SPIB: variants seen among roughly 807,000 people sequenced by gnomAD.
SPIB encodes the protein Spi-B transcription factor, also known as transcription factor Spi-B.
SPIB carries 7 observed loss-of-function variants against 31.9 expected under a neutral mutation model. That is an observed-to-expected ratio of 0.22 (90% CI 0.12 to 0.41). The LOEUF (loss-of-function observed/expected upper bound fraction) is 0.41, where lower values mean the gene tolerates loss of function less well. Ranked by LOEUF, SPIB falls within the 10% of genes least tolerant of loss-of-function variation. The pLI is 1.00. For missense variants in SPIB, 327 were observed against 360.2 expected (o/e 0.91, Z 0.75); for synonymous variants, 176 against 158.9 (o/e 1.11, Z -0.81).
At chr19:50,423,168 G>A in intron 4 of SPIB, 131 bp downstream of exon 4, 3 of 468,596 alleles carry the variant, frequency 6.4e-6, no homozygotes, top group Non-Finnish European at 1.1e-5. Flanking sequence ...GCAATCCACT[G>A]CACTCCAGTC....
Position 50,428,395 on chromosome 19 carries a change from C to T in SPIB, c.*59C>T, listed in dbSNP as rs2039598030. On this transcript the variant is annotated 3_prime_UTR_variant, in exon 6 of 6. Transcript: ENST00000595883. The surrounding 1 kb of genome is among the most constrained non-coding windows in gnomAD (Gnocchi z 6.5). Reference sequence around the variant, plus strand: ...GGGGACCTCACGTCCCAGCCAGGATCCCCCTGGAAGAAAAAGGGCGTCCCC... The same window carrying T: ...GGGGACCTCACGTCCCAGCCAGGATTCCCCTGGAAGAAAAAGGGCGTCCCC... 3.4e-6 allele frequency: 5 copies of T among 1,467,440 alleles called. No individual in the cohort carries two copies. The highest frequency in any genetic ancestry group is 4.5e-6 in the Non-Finnish European group (5 of 1,106,748). 90.9% of individuals were successfully genotyped at this position (1,467,440 alleles called of 1,614,324 possible).
In SPIB at chr19:50,422,972, GC is replaced by G; in HGVS notation, c.279del (p.Ser94AlafsTer86). On this transcript the variant is annotated frameshift_variant, in exon 4 of 6. Transcript: ENST00000595883. LOFTEE classifies it high-confidence loss of function. ...CAGCCCTGCAGGGAACCTCGAACTG[GC>G]CCCCAGCCTGGAGGCCCCGGGGCCT... ...TYSPAGNLEL[A>X]PSLEAPGPGL... is the part of the protein sequence containing the mutation. The G allele has an allele frequency of 6.3e-7, 1 of 1,577,646 alleles. No homozygotes were observed. Among genetic ancestry groups the G allele is most frequent in the Non-Finnish European group, 8.6e-7 (1 of 1,159,388 alleles).
At position 50,423,717 on chromosome 19, in the gene SPIB, C is replaced by T. The variant is rs576781136; in HGVS notation, c.452C>T (p.Ala151Val). The change falls in exon 5 of 6, where the codon GCC (alanine) becomes GTC (valine). Residue 151 changes from alanine to valine, a missense_variant. Around this residue, in one of 4 missense-constraint regions of SPIB, gnomAD observed 238 missense variants for 228.8 expected, o/e 1.04. Coordinates refer to ENST00000595883, the MANE Select transcript of SPIB (RefSeq NM_003121.5). ...LEVSDSESDEALVAGPEGKGS... is the reference protein window; with the variant it reads ...LEVSDSESDEVLVAGPEGKGS... Reference sequence around the variant, plus strand: ...GTCTCGGACAGCGAGTCGGATGAGGCCCTCGTGGCTGGCCCCGAGGGGAAG... The same window carrying T: ...GTCTCGGACAGCGAGTCGGATGAGGTCCTCGTGGCTGGCCCCGAGGGGAAG... 8 of 1,612,884 alleles carry T rather than the reference C, an allele frequency of 5.0e-6. No individual in the cohort carries two copies. The East Asian group carries it at 8.9e-5, about 18-fold the overall frequency.
chr19:50,421,015 A>G (rs186892099), intron 2 of SPIB, among the ~76,000 whole-genome samples: 4 of 152,322 alleles, frequency 2.6e-5, no homozygotes, highest in Admixed American at 2.6e-4. Flanking sequence ...AGTGTGTGTC[A>G]GTGTTTGTCC....
intron 5 of SPIB, among the ~76,000 whole-genome samples, chr19:50,424,532 C>T (rs2039541886): frequency 1.3e-5 from 2 of 152,260 alleles, no homozygotes; most frequent in East Asian, 1.9e-4. Flanking sequence ...CCTTTAATCC[C>T]AGCACTTTGA....
chr19:50,423,104 A>G (rs974742232), intron 4 of SPIB, 67 bp downstream of exon 4: 14 of 785,674 alleles, frequency 1.8e-5, no homozygotes, highest in Middle Eastern at 3.9e-4. Flanking sequence ...CTGTAATCCC[A>G]GCTGCTTGAG....
chr19:50,423,839 C>A (rs543438219), intron 5 of SPIB, 84 bp downstream of exon 5: 7 of 1,470,942 alleles, frequency 4.8e-6, no homozygotes, highest in Non-Finnish European at 6.4e-6. Flanking sequence ...TGGGCCTCTA[C>A]ATATACTCCA....
At chr19:50,427,983 G>A in intron 5 of SPIB, 55 bp from the exon 6 acceptor site, 1 of 1,443,450 alleles carries the variant, frequency 6.9e-7, no homozygotes, top group Non-Finnish European at 9.1e-7. Context: ...GGTGGATGGG[G>A]AAGGCGGGGC....
intron 2 of SPIB, among the ~76,000 whole-genome samples, chr19:50,422,002 G>A (rs556996725): frequency 6.6e-6 from 1 of 152,204 alleles, no homozygotes; most frequent in South Asian, 2.1e-4. Context: ...TGCCCGCCTC[G>A]GCCCCCCAAA....
intron 5 of SPIB, among the ~76,000 whole-genome samples, chr19:50,424,560 A>AT (rs2039542091): frequency 1.3e-5 from 2 of 152,232 alleles, no homozygotes; most frequent in South Asian, 4.1e-4. Context: ...AGGAGGATGG[A>AT]TCACGAGGTC....
intron 1 of SPIB, 74 bp from the exon 2 acceptor site, chr19:50,419,872 T>C: frequency 6.8e-7 from 1 of 1,467,484 alleles, no homozygotes; most frequent in Non-Finnish European, 9.1e-7. Context: ...CGCCTCCCCA[T>C]CAGCCCCCAA....
chr19:50,420,118 C>T (rs1425716257), intron 2 of SPIB, 145 bp downstream of exon 2: 5 of 644,346 alleles, frequency 7.8e-6, no homozygotes, highest in Middle Eastern at 2.6e-4. Context: ...CCTGCTACCC[C>T]GCATCCGTAT....
rs999580441 is a variant in SPIB, at chr19:50,429,817, C to T, written c.*1481C>T. Reference sequence around the variant, plus strand: ...GAGAGATCGAGACCATCCTGGCCAACATGGTGAAACCCTGTCTCTACTAAA... The same window carrying T: ...GAGAGATCGAGACCATCCTGGCCAATATGGTGAAACCCTGTCTCTACTAAA... On this transcript the variant is annotated 3_prime_UTR_variant, in exon 6 of 6. Transcript: ENST00000595883. The T allele has an allele frequency of 1.3e-5, 2 of 152,172 alleles. No homozygotes were observed. Among genetic ancestry groups the T allele is most frequent in the Non-Finnish European group, 2.9e-5 (2 of 68,060 alleles). 9.4% of individuals were successfully genotyped at this position (152,172 alleles called of 1,614,324 possible). A position where few individuals can be genotyped will look rare whatever the true frequency, so the allele number is the denominator to read the frequency against.
At chr19:50,426,124 G>A (rs776375697) in intron 5 of SPIB, among the ~76,000 whole-genome samples, 8 of 152,072 alleles carry the variant, frequency 5.3e-5, no homozygotes, top group Non-Finnish European at 8.8e-5. Flanking sequence ...CAGGAGAATC[G>A]CTTGAATCCA....
In SPIB at chr19:50,423,631, G is replaced by A. The variant is rs778109814; in HGVS notation, c.366G>A (p.Pro122=). The change falls in exon 5 of 6, where the codon CCG becomes CCA. Residue 122 remains proline (P), a synonymous_variant. Coordinates refer to ENST00000595883, the MANE Select transcript of SPIB (RefSeq NM_003121.5). ...CCCTGGTTCCCCCGGCATATGCCCC[G>A]TACCCCAGCCCTGTGCTATCAGAGG... The part of the protein sequence containing the change: ...SQTLVPPAYA[P]YPSPVLSEEE... 31 of 1,613,756 alleles carry A rather than the reference G, an allele frequency of 1.9e-5. No individual in the cohort carries two copies. Among genetic ancestry groups the A allele is most frequent in the East Asian group, 8.9e-5 (4 of 44,876 alleles).
rs557521292 is a variant in SPIB at position 50,419,084 on chromosome 19, C to T, written c.23+99C>T. On this transcript the variant is annotated intron_variant, in intron 1 of 5. Transcript: ENST00000595883. Reference sequence around the variant, plus strand: ...CAGTGGTTTCTCTGCTCCTCACGGCCGGTGGGTGGGAGTGGAGGGGAGGGG... The same window carrying T: ...CAGTGGTTTCTCTGCTCCTCACGGCTGGTGGGTGGGAGTGGAGGGGAGGGG... The T allele has an allele frequency of 6.1e-5, 88 of 1,437,784 alleles. No homozygotes were observed. In the East Asian group the frequency reaches 8.5e-4, roughly 14 times the overall value. 89.1% of individuals were successfully genotyped at this position (1,437,784 alleles called of 1,614,324 possible). A position where few individuals can be genotyped will look rare whatever the true frequency, so the allele number is the denominator to read the frequency against.
chr19:50,419,081 G>C lies in SPIB; in HGVS notation c.23+96G>C, dbSNP rs1037178736. The C allele has an allele frequency of 3.4e-6, 5 of 1,458,694 alleles. No individual in the cohort carries two copies. In the South Asian group the frequency reaches 6.1e-5, roughly 18 times the overall value. 90.4% of individuals were successfully genotyped at this position (1,458,694 alleles called of 1,614,324 possible). A position where few individuals can be genotyped will look rare whatever the true frequency, so the allele number is the denominator to read the frequency against. Reference sequence around the variant, plus strand: ...GGGCAGTGGTTTCTCTGCTCCTCACGGCCGGTGGGTGGGAGTGGAGGGGAG... The same window carrying C: ...GGGCAGTGGTTTCTCTGCTCCTCACCGCCGGTGGGTGGGAGTGGAGGGGAG... On this transcript the variant is annotated intron_variant, in intron 1 of 5. Transcript: ENST00000595883.
intron 5 of SPIB, among the ~76,000 whole-genome samples, chr19:50,427,626 G>A (rs2039581323): frequency 6.6e-6 from 1 of 152,262 alleles, no homozygotes; most frequent in Admixed American, 6.5e-5. Context: ...AGGAGCTGGA[G>A]AGATAGCCAG....
intron 2 of SPIB, among the ~76,000 whole-genome samples, chr19:50,420,972 CT>C (rs1463865949): frequency 1.6e-4 from 25 of 152,176 alleles, no homozygotes; most frequent in Admixed American, 1.6e-3. Context: ...CAGCATGTCC[CT>C]TTTGGGGTCT....
Sources: gnomAD v4.1 joint callset for allele counts (sites outside exome capture counted in the v4.1 genomes callset) on GRCh38, gnomAD v4.1.1 for gene constraint, gnomAD v4.1.1 regional missense constraint, Gnocchi (gnomAD v3.1) non-coding constraint, MANE v1.5 for transcripts, NCBI Gene and HGNC (gene_info 2026-07-23, HGNC 2026-07-21) for gene names.